The following CPT1B variants were observed in gnomAD, a reference collection of about 807,000 sequenced individuals.
The protein encoded by CPT1B is carnitine palmitoyltransferase 1B.
In CPT1B, 57 loss-of-function variants were observed where a neutral mutation model predicts 92.7. The observed-to-expected ratio is 0.62, with a 90% CI of 0.50 to 0.77. The LOEUF (loss-of-function observed/expected upper bound fraction) is 0.77. Ranked by LOEUF, CPT1B falls within the 30% of genes least tolerant of loss-of-function variation. CPT1B has a pLI of 0.00. For missense variants in CPT1B, 983 were observed against 1,017.4 expected (o/e 0.97, Z 0.46); for synonymous variants, 398 against 383.5 (o/e 1.04, Z -0.44).
In CPT1B at chr22:50,570,877, A is replaced by G; in HGVS notation, c.2028+14T>C. On this transcript the variant is annotated intron_variant, in intron 16 of 19. Coordinates refer to ENST00000312108, the MANE Select transcript of CPT1B (RefSeq NM_152246.3). The stretch of plus-strand genomic sequence containing the variant: ...GGCAGTGGGACAAAGGACACACCCA[A>G]CAACGGTGCTGACCTCAGCAAGGAA... 1 of 1,612,218 alleles carries G rather than the reference A, an allele frequency of 6.2e-7. No individual in the cohort carries two copies. Among genetic ancestry groups the G allele is most frequent in the South Asian group, 1.1e-5 (1 of 91,030 alleles).
upstream of CPT1B, chr22:50,578,548 C>G (rs1696154857): frequency 6.4e-6 from 1 of 157,422 alleles, no homozygotes; most frequent in Non-Finnish European, 1.4e-5. Flanking sequence ...AACCCACCCA[C>G]CTTCCGCGGT....
rs568789168 is a variant in CPT1B, at chr22:50,572,034, G to C, written c.1547C>G (p.Thr516Arg). The change falls in exon 13 of 20, where the codon ACA becomes AGA. Residue 516 changes from threonine to arginine, a missense_variant. Thr to Arg is a moderately conservative substitution (Grantham distance 71). Coordinates refer to ENST00000312108, the MANE Select transcript of CPT1B (RefSeq NM_152246.3). ...GKPNPALAPP[T>R]RLQWDIPKQC... The stretch of plus-strand genomic sequence containing the variant: ...TTTTGGAATGTCCCACTGCAGCCGT[G>C]TAGGAGGTGCGAGCGCAGGGTTCGG... 2 of 1,614,138 alleles carry C rather than the reference G, an allele frequency of 1.2e-6. No individual in the cohort carries two copies. Among genetic ancestry groups the C allele is most frequent in the African/African-American group, 2.7e-5 (2 of 75,050 alleles).
intron 1 of CPT1B, 121 bp from the exon 2 acceptor site, chr22:50,578,055 C>T: frequency 7.3e-6 from 4 of 545,630 alleles, no homozygotes; most frequent in Non-Finnish European, 9.9e-6. Flanking sequence ...TAGCGGCTGC[C>T]CCCGGCCCGC....
In CPT1B at chr22:50,573,157, GGCTGGACCTGGAGATGGGGGGTACCAC is replaced by G; in HGVS notation, c.1167-124_1167-98del. On this transcript the variant is annotated intron_variant, in intron 10 of 19. Transcript: ENST00000312108. The surrounding 1 kb of genome is among the most constrained non-coding windows in gnomAD (Gnocchi z 5.0). ...ACCTGGAGATGGGGGTGGGGTGCCA[GGCTGGACCTGGAGATGGGGGGTACCAC>G]GCTGGACCTGGAGATGTGGGGGTGC... 1.9e-6 allele frequency: 2 copies of G among 1,075,300 alleles called. No individual in the cohort carries two copies. Among genetic ancestry groups the G allele is most frequent in the Non-Finnish European group, 2.7e-6 (2 of 747,386 alleles). The allele number at this position is 1,075,300 out of a possible 1,614,324, so 66.6% of individuals were successfully genotyped here.
chr22:50,577,500 G>A (rs761800318), intron 2 of CPT1B, 37 bp from the exon 3 acceptor site: 16 of 1,610,400 alleles, frequency 9.9e-6, no homozygotes, highest in Admixed American at 3.4e-5. Flanking sequence ...GGAGCCGGAA[G>A]GCGGGAGGTT....
In CPT1B at chr22:50,576,911, A is replaced by G. The variant is rs2070465548; in HGVS notation, c.405T>C (p.His135=). The G allele has an allele frequency of 1.2e-6, 2 of 1,613,910 alleles. No homozygotes were observed. Among genetic ancestry groups the G allele is most frequent in the South Asian group, 1.1e-5 (1 of 91,092 alleles). Residue 135 remains histidine, a synonymous_variant, in exon 4 of 20, where the codon CAT becomes CAC. Coordinates refer to ENST00000312108, the MANE Select transcript of CPT1B (RefSeq NM_152246.3). ...RQTLKLLLCY[H]GWMFEMHGKT... ...TGCCATGCATCTCAAACATCCACCCATGGTAGCAGAGAAGCAGCTTCAGGG... is the reference window on the plus strand; with the variant it reads ...TGCCATGCATCTCAAACATCCACCCGTGGTAGCAGAGAAGCAGCTTCAGGG...
chr22:50,572,474 G>A (rs1473824501), intron 11 of CPT1B, among the ~76,000 whole-genome samples, 166 bp from the exon 12 acceptor site: 2 of 151,164 alleles, frequency 1.3e-5, no homozygotes, highest in Non-Finnish European at 1.5e-5. Context: ...CCAGGCTGGA[G>A]TGCAGTGGTG....
Position 50,571,533 on chromosome 22 carries a change from C to T in CPT1B, c.1582G>A (p.Ala528Thr). The change falls in exon 14 of 20, where the codon GCG (alanine) becomes ACG (threonine). Residue 528 changes from alanine (A) to threonine (T), a missense_variant. By Grantham distance (58) the Ala-to-Thr change is moderately conservative (BLOSUM62 0). Transcript: ENST00000312108. ...ACCTGGTAGGAACTCTCGATGACCG[C>T]CTGGCACTGCCAAGACATGGGAAGG... ...LQWDIPKQCQ[A>T]VIESSYQVAK... 6.2e-7 allele frequency: 1 copy of T among 1,611,862 alleles called. No individual in the cohort carries two copies. The highest frequency in any genetic ancestry group is 1.7e-4 in the Middle Eastern group (1 of 6,056).
Position 50,574,579 on chromosome 22 carries a change from T to C in CPT1B, c.799A>G (p.Thr267Ala). Residue 267 changes from threonine (T) to alanine (A), a missense_variant, in exon 8 of 20, where the codon ACA (threonine) becomes GCA (alanine). Transcript: ENST00000312108. ...YVMDLVLIKN[T>A]DVQAARLGNI... ...CCCAGGCGGGCTGCCTGCACGTCTG[T>C]ATTCTTGATGAGCACAAGGTCCTAC... 1 of 1,614,016 alleles carries C rather than the reference T, an allele frequency of 6.2e-7. No homozygotes were observed. The highest frequency in any genetic ancestry group is 8.5e-7 in the Non-Finnish European group (1 of 1,179,982).
At position 50,576,419 on chromosome 22, in the gene CPT1B, C is replaced by T; in HGVS notation, c.562-84G>A. 7 of 1,606,196 alleles carry T rather than the reference C, an allele frequency of 4.4e-6. No homozygotes were observed. In the South Asian group the frequency reaches 5.5e-5, roughly 13 times the overall value. ...TCCTCTTCCCACCTCTCCCTCCTCA[C>T]CCAGCCCCATTATTCTCAAGCCCTT... On this transcript the variant is annotated intron_variant, in intron 5 of 19. Coordinates refer to ENST00000312108, the MANE Select transcript of CPT1B (RefSeq NM_152246.3).
In CPT1B at chr22:50,569,586, C is replaced by G. The variant is rs778370877; in HGVS notation, c.2225G>C (p.Ser742Thr). Residue 742 changes from serine (S) to threonine (T), a missense_variant, in exon 18 of 20, where the codon AGC (serine) becomes ACC (threonine). Physicochemically the swap from Ser to Thr is moderately conservative, Grantham distance 58. Transcript: ENST00000312108. ...TGGCAGGAGACTCACCGTCTCTGAG[C>G]TTGAGAACTTGCTGGAGATGTGGAA... ...IFFHISSKFS[S>T]SETNAQRFGN... is the part of the protein sequence containing the mutation. 2.7e-5 allele frequency: 43 copies of G among 1,613,900 alleles called. No individual in the cohort carries two copies. The highest frequency in any genetic ancestry group is 3.6e-5 in the Non-Finnish European group (43 of 1,180,002).
rs1169332090 is a variant in CPT1B at position 50,573,249 on chromosome 22, C to T, written c.1167-189G>A. 1.9e-5 allele frequency: 8 copies of T among 427,894 alleles called. No homozygotes were observed. Among genetic ancestry groups the T allele is most frequent in the Non-Finnish European group, 2.3e-5 (6 of 259,640 alleles). 26.5% of individuals were successfully genotyped at this position (427,894 alleles called of 1,614,324 possible). On this transcript the variant is annotated intron_variant, in intron 10 of 19. Transcript: ENST00000312108. The surrounding 1 kb of genome is among the most constrained non-coding windows in gnomAD (Gnocchi z 5.0). ...AGGTGTTGGGGTGCGTGCCAGGCTG[C>T]GCCTGGAGGTGGGGGTGTGTGTGCC...
At position 50,571,218 on chromosome 22, in the gene CPT1B, C is replaced by T; in HGVS notation, c.1815G>A (p.Val605=). 1 of 1,614,142 alleles carries T rather than the reference C, an allele frequency of 6.2e-7. No homozygotes were observed. Among genetic ancestry groups the T allele is most frequent in the Non-Finnish European group, 8.5e-7 (1 of 1,180,024 alleles). The change falls in exon 15 of 20, where the codon GTG becomes GTA. Residue 605 remains valine, a synonymous_variant. Coordinates refer to ENST00000312108, the MANE Select transcript of CPT1B (RefSeq NM_152246.3). ...RMFREGRTET[V]RSCTSESTAF... ...CTGTGGACTCGCTGGTACAGGAACG[C>T]ACAGTCTCAGTCCGTCCCTCCCGGA...
chr22:50,569,383 C>G lies in CPT1B; in HGVS notation c.2274G>C (p.Leu758=), dbSNP rs938776063. The G allele has an allele frequency of 4.3e-6, 7 of 1,614,060 alleles. No homozygotes were observed. The East Asian group carries it at 6.7e-5, about 15-fold the overall frequency. Residue 758 remains leucine, a synonymous_variant, in exon 19 of 20, where the codon CTG becomes CTC. Coordinates refer to ENST00000312108, the MANE Select transcript of CPT1B (RefSeq NM_152246.3). Reference sequence around the variant, plus strand: ...CTTGGAAAAGATCAGCAATGTCCAGCAGGGCTTTGCGGATGTGGTTTCCAA... The same window carrying G: ...CTTGGAAAAGATCAGCAATGTCCAGGAGGGCTTTGCGGATGTGGTTTCCAA... ...QRFGNHIRKA[L]LDIADLFQVP...
In CPT1B at chr22:50,576,578, C is replaced by T. The variant is rs1385679160; in HGVS notation, c.519G>A (p.Leu173=). 1 of 1,608,252 alleles carries T rather than the reference C, an allele frequency of 6.2e-7. No homozygotes were observed. The highest frequency in any genetic ancestry group is 8.5e-7 in the Non-Finnish European group (1 of 1,177,538). ...ACACCCTGGGCACAGGAAGCTTGGG[C>T]AGAGATGTCTGGAAGCTGTAGAGCA... The part of the protein sequence containing the change: ...HPMLYSFQTS[L]PKLPVPRVSA... Residue 173 remains leucine, a synonymous_variant, in exon 5 of 20, where the codon CTG becomes CTA. Transcript: ENST00000312108.
chr22:50,576,537 C>A lies in CPT1B; in HGVS notation c.560G>T (p.Arg187Leu), dbSNP rs147502032. 2.8e-5 allele frequency: 45 copies of A among 1,600,726 alleles called. No individual in the cohort carries two copies. The East Asian group carries it at 9.9e-4, about 35-fold the overall frequency. Residue 187 changes from arginine (R) to leucine (L), a missense_variant and splice_region_variant, in exon 5 of 20, where the codon CGG becomes CTG. Physicochemically the swap from Arg to Leu is moderately radical, Grantham distance 102. Coordinates refer to ENST00000312108, the MANE Select transcript of CPT1B (RefSeq NM_152246.3). Reference sequence around the variant, plus strand: ...GGGATGCCCAAGCGAGGCCCTCACCCGCTGAATTGTGGCTGACACCCTGGG... The same window carrying A: ...GGGATGCCCAAGCGAGGCCCTCACCAGCTGAATTGTGGCTGACACCCTGGG... The part of the protein sequence containing the change: ...PVPRVSATIQ[R>L]YLESVRPLLD...
At chr22:50,569,535 G>A in intron 18 of CPT1B, 41 bp downstream of exon 18, 2 of 1,606,444 alleles carry the variant, frequency 1.2e-6, no homozygotes, top group South Asian at 1.1e-5. Flanking sequence ...AGCCCCAGGT[G>A]GCACCCCTTC....
At position 50,576,781 on chromosome 22, in the gene CPT1B, G is replaced by A. The variant is rs140515; in HGVS notation, c.459+76C>T. 2,142 of 1,588,122 alleles carry A rather than the reference G, an allele frequency of 1.3e-3. 49 individuals are homozygous for A. In the South Asian group the frequency reaches 0.022, roughly 16 times the overall value. On this transcript the variant is annotated intron_variant, in intron 4 of 19. Coordinates refer to ENST00000312108, the MANE Select transcript of CPT1B (RefSeq NM_152246.3). ...CACCAGTGCCCTGTCTGCCTCTCCC[G>A]TCTAGCTCAGAACCCCAAAGGAGTC...
chr22:50,571,613 T>A, intron 13 of CPT1B, 74 bp from the exon 14 acceptor site: 1 of 1,523,392 alleles, frequency 6.6e-7, no homozygotes, highest in East Asian at 2.3e-5. Flanking sequence ...CTAGGAGGCA[T>A]GACGTTTAGC....
Sources: allele counts gnomAD v4.1 joint callset (sites outside exome capture counted in the v4.1 genomes callset), GRCh38; gene constraint gnomAD v4.1.1; non-coding constraint Gnocchi (gnomAD v3.1); transcripts MANE v1.5; gene names NCBI Gene and HGNC (gene_info 2026-07-23, HGNC 2026-07-21).